Variants in CNTNAP2 observed in about 807,000 individuals in gnomAD.
CNTNAP2 encodes contactin-associated protein-like 2.
A neutral mutation model predicts 155.2 loss-of-function variants in CNTNAP2; 98 were observed. The observed-to-expected ratio is 0.63, with a 90% CI of 0.54 to 0.75. CNTNAP2 has a LOEUF of 0.75. Ranked by LOEUF, CNTNAP2 falls within the 30% of genes least tolerant of loss-of-function variation. CNTNAP2 has a pLI of 0.00. For missense variants in CNTNAP2, 1,727 were observed against 1,688.1 expected (o/e 1.02, Z -0.40); for synonymous variants, 651 against 631.2 (o/e 1.03, Z -0.47).
chr7:146,939,770 T>C (rs1797007361), intron 3 of CNTNAP2, among the ~76,000 whole-genome samples: 1 of 152,192 alleles, frequency 6.6e-6, no homozygotes. Flanking sequence ...AAAGACTTAG[T>C]GGTTTTAGCA....
chr7:146,751,813 C>G (rs1801908888), intron 1 of CNTNAP2, among the ~76,000 whole-genome samples: 1 of 151,812 alleles, frequency 6.6e-6, no homozygotes, highest in African/African-American at 2.4e-5. Flanking sequence ...GTATGTTGTT[C>G]CCCTCGCTGT....
At chr7:147,305,784 C>G (rs949282563) in intron 9 of CNTNAP2, among the ~76,000 whole-genome samples, 2 of 152,090 alleles carry the variant, frequency 1.3e-5, no homozygotes, top group East Asian at 3.9e-4. Context: ...CAACATAGTT[C>G]TATTCTGTCA....
At chr7:148,175,668 C>T (rs1468132069) in intron 18 of CNTNAP2, among the ~76,000 whole-genome samples, 1 of 152,116 alleles carries the variant, frequency 6.6e-6, no homozygotes, top group East Asian at 1.9e-4. Flanking sequence ...ATGTGAGAGG[C>T]TCACACTAGG....
At chr7:148,406,238 T>G (rs79782605) in intron 22 of CNTNAP2, among the ~76,000 whole-genome samples, 18 of 17,762 alleles carry the variant, frequency 1.0e-3, no homozygotes, top group African/African-American at 1.4e-3. Flanking sequence ...TCTCAAAAAA[T>G]AAAGAAAGAA....
intron 9 of CNTNAP2, among the ~76,000 whole-genome samples, chr7:147,374,480 C>G (rs975560479): frequency 6.6e-6 from 1 of 152,086 alleles, no homozygotes; most frequent in Admixed American, 6.6e-5. Flanking sequence ...TTTTAATAAT[C>G]TGAACCAAGG....
At chr7:147,464,465 TAAAAAAAAAAAAAA>T (rs71183005) in intron 10 of CNTNAP2, among the ~76,000 whole-genome samples, 1 of 65,968 alleles carries the variant, frequency 1.5e-5, no homozygotes, top group Non-Finnish European at 2.8e-5. Flanking sequence ...AGACTCCATC[TAAAAAAAAAAAAAA>T]AAAAAAAAAA....
intron 1 of CNTNAP2, among the ~76,000 whole-genome samples, chr7:146,632,829 A>G (rs949871439): frequency 5.9e-5 from 9 of 152,050 alleles, no homozygotes; most frequent in African/African-American, 1.7e-4. Flanking sequence ...ATTTATAAAG[A>G]TCCTGAATTT....
At chr7:147,435,001 GTAGCTT>G (rs2116536161) in intron 10 of CNTNAP2, among the ~76,000 whole-genome samples, 1 of 152,256 alleles carries the variant, frequency 6.6e-6, no homozygotes, top group East Asian at 1.9e-4. Flanking sequence ...GATTTCCTCA[GTAGCTT>G]TATTTTCTGA....
intron 12 of CNTNAP2, among the ~76,000 whole-genome samples, chr7:147,625,136 TG>T (rs1483697751): frequency 6.6e-6 from 1 of 151,932 alleles, no homozygotes; most frequent in Non-Finnish European, 1.5e-5. Flanking sequence ...CAGGGGGAAG[TG>T]GGGATGGTTA....
chr7:148,124,756 G>A (rs978644269), intron 16 of CNTNAP2, among the ~76,000 whole-genome samples: 2 of 152,152 alleles, frequency 1.3e-5, no homozygotes, highest in African/African-American at 2.4e-5. Context: ...TGACACTGCC[G>A]AATCCAGATA....
intron 1 of CNTNAP2, among the ~76,000 whole-genome samples, chr7:146,490,376 T>C (rs1333856632): frequency 1.3e-5 from 2 of 152,180 alleles, no homozygotes; most frequent in African/African-American, 4.8e-5. Flanking sequence ...AAATGTATAC[T>C]ATGCTAAGTA....
At chr7:147,077,646 G>A (rs759223053) in intron 4 of CNTNAP2, among the ~76,000 whole-genome samples, 1 of 152,152 alleles carries the variant, frequency 6.6e-6, no homozygotes, top group African/African-American at 2.4e-5. Context: ...CAGTGGAGTG[G>A]TTGAGTACAA....
chr7:147,675,143 T>C (rs1422972116), intron 13 of CNTNAP2, among the ~76,000 whole-genome samples: 1 of 152,106 alleles, frequency 6.6e-6, no homozygotes, highest in Non-Finnish European at 1.5e-5. Context: ...CATATTCTGG[T>C]GGCTCCAGGC....
At chr7:148,288,710 T>C (rs1797134373) in intron 21 of CNTNAP2, among the ~76,000 whole-genome samples, 1 of 152,090 alleles carries the variant, frequency 6.6e-6, no homozygotes, top group Admixed American at 6.6e-5. Flanking sequence ...TTCCCCCTGC[T>C]TCCTTTTCAA....
chr7:147,927,181 A>T (rs1800411591), intron 14 of CNTNAP2, among the ~76,000 whole-genome samples: 1 of 152,154 alleles, frequency 6.6e-6, no homozygotes, highest in Non-Finnish European at 1.5e-5. Flanking sequence ...AGAATGGTCT[A>T]AGGATAACTT....
chr7:147,687,695 T>C (rs1288819826), intron 13 of CNTNAP2, among the ~76,000 whole-genome samples: 3 of 151,818 alleles, frequency 2.0e-5, no homozygotes, highest in Admixed American at 6.6e-5. Context: ...AGCAACAGAG[T>C]AGCAAACACA....
intron 1 of CNTNAP2, among the ~76,000 whole-genome samples, chr7:146,565,614 A>G (rs1166852102): frequency 6.6e-6 from 1 of 152,340 alleles, no homozygotes; most frequent in East Asian, 1.9e-4. Flanking sequence ...GACTGATTAG[A>G]TGCAGAAAAC....
chr7:146,822,541 C>T (rs1224517589), intron 2 of CNTNAP2, among the ~76,000 whole-genome samples: 8 of 150,044 alleles, frequency 5.3e-5, no homozygotes, highest in East Asian at 2.0e-4. Context: ...TAATAATGCT[C>T]GTTGTTTTGT....
intron 13 of CNTNAP2, among the ~76,000 whole-genome samples, chr7:147,769,159 G>C (rs1797426881): frequency 6.6e-6 from 1 of 152,038 alleles, no homozygotes; most frequent in African/African-American, 2.4e-5. Flanking sequence ...AGTAGATTTG[G>C]TCAATTTATG....
Sources: gnomAD v4.1 joint callset for allele counts (sites outside exome capture counted in the v4.1 genomes callset) on GRCh38, gnomAD v4.1.1 for gene constraint, MANE v1.5 for transcripts, NCBI Gene and HGNC (gene_info 2026-07-23, HGNC 2026-07-21) for gene names.